ERP44: variants seen among roughly 807,000 people sequenced by gnomAD.
ERP44 encodes endoplasmic reticulum protein 44, also known as endoplasmic reticulum resident protein 44.
ERP44 carries 25 observed loss-of-function variants against 53.4 expected under a neutral mutation model. The observed-to-expected ratio is 0.47, with a 90% CI of 0.34 to 0.65. ERP44 has a LOEUF of 0.65. ERP44 is among the 30% of genes least tolerant of loss of function. The pLI, the probability that ERP44 is intolerant of heterozygous loss-of-function variation, is 0.01. For missense variants in ERP44, 338 were observed against 493.2 expected (o/e 0.69, Z 2.98); for synonymous variants, 145 against 161.2 (o/e 0.90, Z 0.76).
intron 9 of ERP44, among the ~76,000 whole-genome samples, chr9:100,007,277 G>C (rs10819715): frequency 0.46 from 69,612 of 152,026 alleles, 17,387 homozygotes; most frequent in East Asian, 0.9. Flanking sequence ...CATTGGAAAA[G>C]GGGTCACACA....
intron 3 of ERP44, among the ~76,000 whole-genome samples, chr9:100,055,651 G>A (rs138864880): frequency 9.5e-4 from 145 of 152,310 alleles, no homozygotes; most frequent in African/African-American, 3.4e-3. Context: ...GATTACAGGC[G>A]TGAGCCACTG....
chr9:100,094,609 G>C (rs1221084977), intron 1 of ERP44, among the ~76,000 whole-genome samples: 1 of 152,072 alleles, frequency 6.6e-6, no homozygotes, highest in Non-Finnish European at 1.5e-5. Flanking sequence ...AATGAGTCAA[G>C]ATGGTGCCAC....
At chr9:100,010,059 T>C (rs775219918) in intron 8 of ERP44, among the ~76,000 whole-genome samples, 2 of 152,236 alleles carry the variant, frequency 1.3e-5, no homozygotes, top group African/African-American at 4.8e-5. Flanking sequence ...ACGTTATCTG[T>C]ACATATGAAA....
chr9:100,014,411 A>G (rs1226135800), intron 8 of ERP44, among the ~76,000 whole-genome samples: 1 of 151,970 alleles, frequency 6.6e-6, no homozygotes, highest in Admixed American at 6.6e-5. Flanking sequence ...CAGCCTCCCG[A>G]GTAGCTGGGA....
At chr9:100,060,217 G>T (rs1164322531) in intron 1 of ERP44, 45 bp from the exon 2 acceptor site, 7 of 1,395,998 alleles carry the variant, frequency 5.0e-6, no homozygotes, top group Admixed American at 3.4e-5. Context: ...GTCCACAAAA[G>T]ACAAATACGT....
intron 4 of ERP44, among the ~76,000 whole-genome samples, chr9:100,040,781 A>G (rs1019012863): frequency 2.0e-5 from 3 of 152,210 alleles, no homozygotes; most frequent in African/African-American, 4.8e-5. Context: ...CTAAAAAACT[A>G]TAAGAACTGA....
rs191549383 is a variant in ERP44, at chr9:100,074,688, G to T, written c.58-14516C>A. Among the ~76,000 whole-genome samples the T allele has an allele frequency of 2.1e-3, 317 of 152,242 alleles. 1 individual carries two copies. The highest frequency in any genetic ancestry group is 7.3e-3 in the African/African-American group (303 of 41,532). On this transcript the variant is annotated intron_variant, in intron 1 of 11. Transcript: ENST00000262455. The stretch of plus-strand genomic sequence containing the variant: ...AAGGAGACCTCTGGCCTTTTACCAG[G>T]GTAACTGTGCATTGGAGAAAGGGAA...
At chr9:100,095,981 T>C (rs1826622734) in intron 1 of ERP44, among the ~76,000 whole-genome samples, 1 of 152,162 alleles carries the variant, frequency 6.6e-6, no homozygotes. Flanking sequence ...TGACTACCTA[T>C]ACATATTGAA....
intron 4 of ERP44, among the ~76,000 whole-genome samples, chr9:100,046,109 C>T (rs1465164304): frequency 1.3e-5 from 2 of 151,868 alleles, no homozygotes; most frequent in African/African-American, 2.4e-5. Flanking sequence ...TATAACAGCA[C>T]CCCAAAATAA....
intron 10 of ERP44, among the ~76,000 whole-genome samples, chr9:99,992,713 G>A (rs1830268705): frequency 6.6e-6 from 1 of 152,208 alleles, no homozygotes; most frequent in Non-Finnish European, 1.5e-5. Flanking sequence ...ATTAGGAAAA[G>A]AGGAAGTCAA....
chr9:100,029,926 A>G (rs1011625545), intron 4 of ERP44, among the ~76,000 whole-genome samples: 4 of 152,100 alleles, frequency 2.6e-5, no homozygotes, highest in African/African-American at 9.7e-5. Flanking sequence ...CGTCTCTACT[A>G]AAAATACAAA....
At chr9:99,996,820 A>C (rs1257626931) in intron 10 of ERP44, among the ~76,000 whole-genome samples, 1 of 150,178 alleles carries the variant, frequency 6.7e-6, no homozygotes, top group African/African-American at 2.5e-5. Flanking sequence ...TTAGAATAAT[A>C]GTCTCCAATC....
intron 10 of ERP44, chr9:99,998,274 C>G (rs1830335756): frequency 2.9e-6 from 1 of 350,184 alleles, no homozygotes; most frequent in Non-Finnish European, 5.5e-6. Context: ...CCTCGCTCGT[C>G]CACGGAGGGC....
intron 10 of ERP44, among the ~76,000 whole-genome samples, chr9:99,989,485 G>A (rs907441149): frequency 6.6e-6 from 1 of 152,192 alleles, no homozygotes; most frequent in Non-Finnish European, 1.5e-5. Context: ...CAAACAGAAA[G>A]GAATAGCACC....
At chr9:100,091,811 T>C (rs1474545459) in intron 1 of ERP44, among the ~76,000 whole-genome samples, 2 of 152,198 alleles carry the variant, frequency 1.3e-5, no homozygotes, top group East Asian at 1.9e-4. Context: ...AAAGTGCAGG[T>C]TCTGATTCAG....
chr9:100,019,346 C>T (rs1830559395), intron 6 of ERP44, among the ~76,000 whole-genome samples: 1 of 152,030 alleles, frequency 6.6e-6, no homozygotes, highest in South Asian at 2.1e-4. Flanking sequence ...GAGTTCAAGA[C>T]CATCCTGGGC....
intron 4 of ERP44, among the ~76,000 whole-genome samples, chr9:100,030,571 C>G (rs746389080): frequency 2.0e-5 from 3 of 152,076 alleles, no homozygotes; most frequent in Non-Finnish European, 4.4e-5. Flanking sequence ...AGTTAGAGGC[C>G]CCACTCAGTA....
intron 6 of ERP44, among the ~76,000 whole-genome samples, chr9:100,019,260 T>C (rs931477077): frequency 7.9e-5 from 12 of 152,068 alleles, no homozygotes; most frequent in Non-Finnish European, 1.0e-4. Flanking sequence ...TTAATGAATA[T>C]GGGTTGGGCA....
Position 99,980,270 on chromosome 9 carries a change from A to C in ERP44, c.*2342T>G. ...TGTGAACAACTCTAGGGCAGAAATA[A>C]TGCTTTATTCAGCTTTACATCTTTC... On this transcript the variant is annotated 3_prime_UTR_variant, in exon 12 of 12. Transcript: ENST00000262455. 5.1e-6 allele frequency: 2 copies of C among 389,134 alleles called. No homozygotes were observed. The highest frequency in any genetic ancestry group is 9.1e-6 in the Non-Finnish European group (2 of 220,314). 24.1% of individuals were successfully genotyped at this position (389,134 alleles called of 1,614,324 possible). A position where few individuals can be genotyped will look rare whatever the true frequency, so the allele number is the denominator to read the frequency against.
Sources: gnomAD v4.1 joint callset for allele counts (sites outside exome capture counted in the v4.1 genomes callset) on GRCh38, gnomAD v4.1.1 for gene constraint, MANE v1.5 for transcripts, NCBI Gene and HGNC (gene_info 2026-07-23, HGNC 2026-07-21) for gene names.